Variants in CFH observed in about 807,000 individuals in gnomAD.
The protein encoded by CFH is H factor 1 (complement).
In CFH, 53 loss-of-function variants were observed where a neutral mutation model predicts 147.3. That is an observed-to-expected ratio of 0.36 (90% CI 0.29 to 0.45). The LOEUF is 0.45. CFH is among the 20% of genes least tolerant of loss of function. The pLI is 1.00. For synonymous variants in CFH, 536 were observed against 489.4 expected (o/e 1.10, Z -1.26); for missense variants, 1,380 against 1,498.0 (o/e 0.92, Z 1.30).
At chr1:196,706,431 G>A (rs1183139673) in intron 9 of CFH, among the ~76,000 whole-genome samples, 2 of 152,114 alleles carry the variant, frequency 1.3e-5, no homozygotes, top group Non-Finnish European at 2.9e-5. Flanking sequence ...GGCAGAGCAG[G>A]CCACTAAAGA....
chr1:196,727,015 A>G, intron 14 of CFH, 75 bp downstream of exon 14: 2 of 1,377,814 alleles, frequency 1.5e-6, no homozygotes, highest in African/African-American at 1.4e-5. Context: ...TTGCAACTAT[A>G]TTTTTGAAAT....
chr1:196,706,193 G>A (rs918866386), intron 9 of CFH, among the ~76,000 whole-genome samples: 5 of 152,058 alleles, frequency 3.3e-5, no homozygotes, highest in African/African-American at 9.7e-5. Flanking sequence ...CTGAGTCACC[G>A]ATTACTCTGA....
Position 196,715,224 on chromosome 1 carries a change from G to A in CFH, c.1520-369G>A, listed in dbSNP as rs1269358439. The stretch of plus-strand genomic sequence containing the variant: ...TCCTTTTTACATATGTCTCAACTAC[G>A]AATTAGTTTGGACTCTTAATTTACA... On this transcript the variant is annotated intron_variant, in intron 10 of 21. Coordinates refer to ENST00000367429, the MANE Select transcript of CFH (RefSeq NM_000186.4). Among the ~76,000 whole-genome samples the A allele has an allele frequency of 2.0e-5, 3 of 151,632 alleles. No homozygotes were observed. The East Asian group carries it at 5.8e-4, about 29-fold the overall frequency.
intron 1 of CFH, among the ~76,000 whole-genome samples, chr1:196,667,668 T>G (rs992289210): frequency 6.6e-6 from 1 of 152,172 alleles, no homozygotes; most frequent in South Asian, 2.1e-4. Flanking sequence ...TGGTGATGAA[T>G]CCATTTATAT....
At chr1:196,653,059 T>C (rs1666558384) in intron 1 of CFH, among the ~76,000 whole-genome samples, 1 of 151,766 alleles carries the variant, frequency 6.6e-6, no homozygotes, top group Non-Finnish European at 1.5e-5. Flanking sequence ...AGTAAAGAAA[T>C]TTTGATTGAG....
intron 1 of CFH, among the ~76,000 whole-genome samples, chr1:196,654,664 AGAT>A (rs1666624356): frequency 6.6e-6 from 1 of 152,212 alleles, no homozygotes; most frequent in Admixed American, 6.5e-5. Flanking sequence ...AGAAATTCCA[AGAT>A]GATTAAAGTG....
At chr1:196,729,930 T>C (rs190096709) in intron 15 of CFH, among the ~76,000 whole-genome samples, 62 of 152,092 alleles carry the variant, frequency 4.1e-4, no homozygotes, top group African/African-American at 1.4e-3. Context: ...TCAGTTGTAA[T>C]ATCACCCTTT....
chr1:196,669,575 G>A (rs1401232778), intron 1 of CFH, among the ~76,000 whole-genome samples: 3 of 152,220 alleles, frequency 2.0e-5, no homozygotes, highest in African/African-American at 7.2e-5. Context: ...GATAATGAAA[G>A]CCCTAAGCCT....
At chr1:196,681,470 TCACACACACACA>T (rs3043111) in intron 6 of CFH, among the ~76,000 whole-genome samples, 1 of 148,046 alleles carries the variant, frequency 6.8e-6, no homozygotes, top group Non-Finnish European at 1.5e-5. Flanking sequence ...ACTAATTGAT[TCACACACACACA>T]CACACACACA....
At position 196,714,680 on chromosome 1, in the gene CFH, G is replaced by GAA. The variant is rs1558173491; in HGVS notation, c.1519+764_1519+765insAA. 2.0e-3 allele frequency among the ~76,000 whole-genome samples: 107 copies of GAA among 53,522 alleles called. 5 individuals carry two copies. In the Admixed American group the frequency reaches 0.022, roughly 11 times the overall value. The allele number at this position is 53,522 out of a possible 152,430, so 35.1% of individuals were successfully genotyped here. A position where few individuals can be genotyped will look rare whatever the true frequency, so the allele number is the denominator to read the frequency against. ...ATATATATATATATAGAGAGAGAGA[G>GAA]AGAGAGAGAGAGAGAGAGAGAGAGA... is the stretch of plus-strand genomic sequence containing the variant. On this transcript the variant is annotated intron_variant, in intron 10 of 21. Transcript: ENST00000367429.
chr1:196,673,185 G>T, intron 2 of CFH, 22 bp downstream of exon 2: 7 of 1,595,082 alleles, frequency 4.4e-6, no homozygotes, highest in Non-Finnish European at 6.0e-6. Context: ...ATACATTTGT[G>T]AAATTTATGA....
At chr1:196,714,701 A>AGAGAGAGG (rs1553278115) in intron 10 of CFH, among the ~76,000 whole-genome samples, 2,043 of 68,720 alleles carry the variant, frequency 0.03, 158 homozygotes, top group South Asian at 0.041. Flanking sequence ...AGAGAGAGAG[A>AGAGAGAGG]GAGAGAGAGA....
At chr1:196,680,306 A>G (rs1395156159) in intron 6 of CFH, among the ~76,000 whole-genome samples, 3 of 143,770 alleles carry the variant, frequency 2.1e-5, no homozygotes, top group African/African-American at 8.0e-5. Context: ...GTCCTGGAAA[A>G]TTACCAAAAA....
At chr1:196,740,547 T>C in intron 17 of CFH, 72 bp from the exon 18 acceptor site, 13 of 1,423,396 alleles carry the variant, frequency 9.1e-6, no homozygotes, top group Non-Finnish European at 1.2e-5. Context: ...ATAAAACTAC[T>C]TAATATTAAA....
At chr1:196,691,548 A>T (rs1163083432) in intron 9 of CFH, among the ~76,000 whole-genome samples, 1 of 151,924 alleles carries the variant, frequency 6.6e-6, no homozygotes, top group African/African-American at 2.4e-5. Flanking sequence ...TTCACAGTTT[A>T]ATTGGTATTT....
At chr1:196,711,341 C>A (rs1045534146) in intron 9 of CFH, among the ~76,000 whole-genome samples, 1 of 152,056 alleles carries the variant, frequency 6.6e-6, no homozygotes, top group Non-Finnish European at 1.5e-5. Context: ...TGCTCTAGTG[C>A]CATTCCACAA....
chr1:196,743,070 TAATC>T, intron 19 of CFH, among the ~76,000 whole-genome samples: 1 of 152,302 alleles, frequency 6.6e-6, no homozygotes, highest in African/African-American at 2.4e-5. Context: ...TGGTATCACA[TAATC>T]TATTTATGCT....
intron 15 of CFH, among the ~76,000 whole-genome samples, chr1:196,735,611 A>G (rs1346985921): frequency 2.6e-5 from 4 of 152,058 alleles, no homozygotes; most frequent in Admixed American, 2.0e-4. Flanking sequence ...AAAAACAAAT[A>G]AAAAAATAAA....
intron 9 of CFH, among the ~76,000 whole-genome samples, chr1:196,699,420 A>G (rs1668386496): frequency 6.6e-6 from 1 of 152,132 alleles, no homozygotes; most frequent in Admixed American, 6.5e-5. Context: ...AGACTACATG[A>G]TATATTGTGG....
Sources: gnomAD v4.1 joint callset for allele counts (sites outside exome capture counted in the v4.1 genomes callset) on GRCh38, gnomAD v4.1.1 for gene constraint, MANE v1.5 for transcripts, NCBI Gene and HGNC (gene_info 2026-07-23, HGNC 2026-07-21) for gene names.